SH3D19: variants seen among roughly 807,000 people sequenced by gnomAD.
The protein encoded by SH3D19 is SH3 domain containing 19, also known as SH3 domain-containing protein 19.
Under a neutral mutation model 112.1 loss-of-function variants are expected in SH3D19, and 58 were observed. The ratio of observed to expected loss-of-function variants is 0.52; its 90% CI spans 0.42 to 0.64. SH3D19 has a LOEUF of 0.64. Among genes scored for constraint, SH3D19 ranks in the 30% least tolerant of loss-of-function variants. The pLI, the probability that SH3D19 is intolerant of heterozygous loss-of-function variation, is 0.00. For synonymous variants in SH3D19, 391 were observed against 448.5 expected (o/e 0.87, Z 1.62); for missense variants, 1,090 against 1,263.4 (o/e 0.86, Z 2.08).
intron 2 of SH3D19, among the ~76,000 whole-genome samples, chr4:151,213,744 A>G (rs1417694553): frequency 6.6e-6 from 1 of 151,294 alleles, no homozygotes; most frequent in African/African-American, 2.4e-5. Flanking sequence ...TGGTGGTACA[A>G]TCCTAGCTCA....
chr4:151,190,800 A>G (rs1028870997), intron 2 of SH3D19, among the ~76,000 whole-genome samples: 8 of 152,214 alleles, frequency 5.3e-5, no homozygotes, highest in African/African-American at 1.9e-4. Flanking sequence ...CGGAGCCCCA[A>G]CACAGAGTCC....
At chr4:151,130,474 A>G (rs1288432966) in intron 17 of SH3D19, among the ~76,000 whole-genome samples, 1 of 151,908 alleles carries the variant, frequency 6.6e-6, no homozygotes. Context: ...ACCAAAATAA[A>G]ACCAAAAACA....
intron 2 of SH3D19, among the ~76,000 whole-genome samples, chr4:151,221,760 A>G (rs1768094053): frequency 6.6e-6 from 1 of 152,214 alleles, no homozygotes; most frequent in Non-Finnish European, 1.5e-5. Flanking sequence ...TATAAATAAG[A>G]GATTAAAAAT....
At chr4:151,302,287 A>C (rs2126333251) in intron 1 of SH3D19, among the ~76,000 whole-genome samples, 2 of 152,336 alleles carry the variant, frequency 1.3e-5, no homozygotes, top group Non-Finnish European at 2.9e-5. Context: ...GTTGAATATA[A>C]CTGTTACACA....
Position 151,226,557 on chromosome 4 carries a change from C to G in SH3D19, c.113-471G>C, listed in dbSNP as rs571504440. The G allele has an allele frequency of 5.4e-6, 4 of 744,992 alleles. No homozygotes were observed. The East Asian group carries it at 5.2e-4, about 97-fold the overall frequency. The allele number at this position is 744,992 out of a possible 1,614,324, so 46.1% of individuals were successfully genotyped here. A position where few individuals can be genotyped will look rare whatever the true frequency, so the allele number is the denominator to read the frequency against. On this transcript the variant is annotated intron_variant, in intron 1 of 19. Coordinates refer to ENST00000604030, the MANE Select transcript of SH3D19 (RefSeq NM_001378122.1). ...ATACTAAGACCAATACAGCTTCACC[C>G]TTAACTATCTACCACCCAGAACATT...
intron 1 of SH3D19, among the ~76,000 whole-genome samples, chr4:151,297,899 G>A (rs569439598): frequency 1.3e-5 from 2 of 152,288 alleles, no homozygotes; most frequent in South Asian, 2.1e-4. Flanking sequence ...TCTTATAAGA[G>A]TAAGATAGGA....
intron 1 of SH3D19, among the ~76,000 whole-genome samples, chr4:151,304,065 A>T (rs1382520365): frequency 4.0e-5 from 6 of 151,238 alleles, no homozygotes; most frequent in African/African-American, 1.2e-4. Context: ...CAATCTTCCC[A>T]CTTAAGTATC....
At chr4:151,146,529 T>C (rs1052557749) in intron 11 of SH3D19, among the ~76,000 whole-genome samples, 1 of 152,112 alleles carries the variant, frequency 6.6e-6, no homozygotes, top group African/African-American at 2.4e-5. Context: ...GTTTTTGTTG[T>C]TGTTGTTGTT....
chr4:151,172,417 A>G (rs1278242136), intron 7 of SH3D19, among the ~76,000 whole-genome samples: 1 of 152,152 alleles, frequency 6.6e-6, no homozygotes, highest in Non-Finnish European at 1.5e-5. Flanking sequence ...AGTGGGCTCA[A>G]TTTGGGAGGC....
rs1277100082 is a variant in SH3D19 at position 151,210,701 on chromosome 4, C to T, written c.152+15346G>A. 2.9e-5 allele frequency among the ~76,000 whole-genome samples: 4 copies of T among 136,462 alleles called. No individual in the cohort carries two copies. The East Asian group carries it at 8.9e-4, about 30-fold the overall frequency. 89.5% of individuals were successfully genotyped at this position (136,462 alleles called of 152,430 possible). The stretch of plus-strand genomic sequence containing the variant: ...CAGGCGTGAGCCACTGTGCCTGGCC[C>T]CCCAGTATTTTTTTTAAAGTACACC... On this transcript the variant is annotated intron_variant, in intron 2 of 19. Coordinates refer to ENST00000604030, the MANE Select transcript of SH3D19 (RefSeq NM_001378122.1).
intron 19 of SH3D19, 60 bp from the exon 20 acceptor site, chr4:151,122,267 T>G (rs1029496471): frequency 5.7e-6 from 5 of 870,998 alleles, no homozygotes; most frequent in Non-Finnish European, 9.6e-6. Context: ...TGGTAAATAG[T>G]GGCCTACCTA....
intron 1 of SH3D19, among the ~76,000 whole-genome samples, chr4:151,271,214 C>T (rs1366968458): frequency 1.3e-5 from 2 of 152,230 alleles, no homozygotes; most frequent in Non-Finnish European, 2.9e-5. Context: ...GCATGAGCCA[C>T]TATGCGTGGC....
At chr4:151,141,264 TAC>T (rs1416784425) in intron 12 of SH3D19, among the ~76,000 whole-genome samples, 1 of 152,024 alleles carries the variant, frequency 6.6e-6, no homozygotes, top group African/African-American at 2.4e-5. Context: ...TAGCTGGGAC[TAC>T]AGACAAGCAC....
At chr4:151,288,722 AATGAATAATCT>A (rs1296717277) in intron 1 of SH3D19, among the ~76,000 whole-genome samples, 2 of 152,092 alleles carry the variant, frequency 1.3e-5, no homozygotes, top group Non-Finnish European at 1.5e-5. Context: ...ATGCAGTTGC[AATGAATAATCT>A]AAGGAAACAT....
intron 4 of SH3D19, 51 bp from the exon 5 acceptor site, chr4:151,177,006 G>T: frequency 8.1e-7 from 1 of 1,227,326 alleles, no homozygotes; most frequent in Non-Finnish European, 1.0e-6. Flanking sequence ...ACAAGCTATT[G>T]TCTATCTATA....
intron 2 of SH3D19, among the ~76,000 whole-genome samples, chr4:151,195,991 T>C (rs955033073): frequency 1.3e-5 from 2 of 151,264 alleles, no homozygotes; most frequent in Non-Finnish European, 2.9e-5. Context: ...ACTATATATA[T>C]GCAAAGGGGT....
At chr4:151,258,928 TTTC>T (rs1772155303) in intron 1 of SH3D19, among the ~76,000 whole-genome samples, 1 of 148,500 alleles carries the variant, frequency 6.7e-6, no homozygotes, top group Admixed American at 6.7e-5. Flanking sequence ...CTGCTGGGGA[TTTC>T]GGGTGAGCCC....
At chr4:151,180,438 G>T in intron 3 of SH3D19, among the ~76,000 whole-genome samples, 1 of 123,082 alleles carries the variant, frequency 8.1e-6, no homozygotes. Flanking sequence ...AGACAGTCTC[G>T]CTCTGTCGCC....
intron 1 of SH3D19, among the ~76,000 whole-genome samples, chr4:151,323,547 G>A (rs73861158): frequency 0.13 from 19,624 of 152,070 alleles, 1,347 homozygotes; most frequent in South Asian, 0.22. Flanking sequence ...TCCAAAAATC[G>A]CAAGTTTAAC....
Sources: gnomAD v4.1 joint callset for allele counts (sites outside exome capture counted in the v4.1 genomes callset) on GRCh38, gnomAD v4.1.1 for gene constraint, MANE v1.5 for transcripts, NCBI Gene and HGNC (gene_info 2026-07-23, HGNC 2026-07-21) for gene names.